ZNF487: variants seen among roughly 807,000 people sequenced by gnomAD.
ZNF487 encodes the protein KRAB domain only 1.
In ZNF487, 4 loss-of-function variants were observed where a neutral mutation model predicts 3.0. That is an observed-to-expected ratio of 1.35 (90% confidence interval 0.66 to 3.08). ZNF487 has a LOEUF of 3.08. Ranked by LOEUF, ZNF487 falls within the 30% of genes most tolerant of loss-of-function variation. The pLI is 0.01. For missense variants in ZNF487, 146 were observed against 98.7 expected (o/e 1.48, Z -2.03); for synonymous variants, 55 against 34.6 (o/e 1.59, Z -2.06).
At chr10:43,495,148 A>C in the ZNF487 span, among the ~76,000 whole-genome samples, 1 of 151,518 alleles carries the variant, frequency 6.6e-6, no homozygotes, top group Non-Finnish European at 1.5e-5. Flanking sequence ...TTTCACCAAC[A>C]AACAGTACTA....
At chr10:43,448,269 G>A (rs560702882) in intron 1 of ZNF487, among the ~76,000 whole-genome samples, 68 of 151,888 alleles carry the variant, frequency 4.5e-4, no homozygotes, top group African/African-American at 1.5e-3. Context: ...GATTACAGGC[G>A]TGAGCCACCA....
chr10:43,459,324 G>T (rs1840335391), intron 1 of ZNF487, among the ~76,000 whole-genome samples: 1 of 152,034 alleles, frequency 6.6e-6, no homozygotes, highest in Non-Finnish European at 1.5e-5. Flanking sequence ...CCGCCTCCCA[G>T]GTTCAAGTGA....
At position 43,456,812 on chromosome 10, in the gene ZNF487, C is replaced by A. The variant is rs966760679; in HGVS notation, c.-93-18909C>A. On this transcript the variant is annotated intron_variant, in intron 1 of 3. Coordinates refer to ENST00000437590, the MANE Select transcript of ZNF487 (RefSeq NM_001355444.3). ...GCCAGGCTGGTCTTGAACTCCTGAC[C>A]TCAGGTGATCCGCGCGCCTCTGCCT... 3.3e-5 allele frequency among the ~76,000 whole-genome samples: 5 copies of A among 152,224 alleles called. No homozygotes were observed. In the South Asian group the frequency reaches 1.0e-3, roughly 32 times the overall value.
At chr10:43,510,371 A>G in the ZNF487 span, among the ~76,000 whole-genome samples, 5 of 152,032 alleles carry the variant, frequency 3.3e-5, no homozygotes, top group Admixed American at 3.3e-4. Flanking sequence ...TCCTGGCTGG[A>G]TTGGGCTGTT....
intron 1 of ZNF487, chr10:43,453,226 A>G (rs967806923): frequency 4.6e-5 from 7 of 152,136 alleles, no homozygotes; most frequent in Admixed American, 1.3e-4. Flanking sequence ...TGAGAAAGCA[A>G]TGTTCCTTGA....
chr10:43,519,758 C>A, the ZNF487 span, among the ~76,000 whole-genome samples: 1 of 152,176 alleles, frequency 6.6e-6, no homozygotes, highest in Admixed American at 6.5e-5. Flanking sequence ...AGCCACTGTG[C>A]CTGGCCTAAA....
chr10:43,475,029 A>T lies in ZNF487; in HGVS notation c.-93-692A>T, dbSNP rs374627228. Among the ~76,000 whole-genome samples, 5 of 152,218 alleles carry T rather than the reference A, an allele frequency of 3.3e-5. No homozygotes were observed. The South Asian group carries it at 1.0e-3, about 32-fold the overall frequency. ...CAAGGCGCAAACTTCCCCTGCCTCCACCTCATTCTCCCAGTGTGCAGGTGG... is the reference window on the plus strand; with the variant it reads ...CAAGGCGCAAACTTCCCCTGCCTCCTCCTCATTCTCCCAGTGTGCAGGTGG... On this transcript the variant is annotated intron_variant, in intron 1 of 3. Transcript: ENST00000437590.
Position 43,480,031 on chromosome 10 carries a change from C to A in ZNF487, c.131-1398C>A, listed in dbSNP as rs540358694. On this transcript the variant is annotated intron_variant, in intron 3 of 3. Coordinates refer to ENST00000437590, the MANE Select transcript of ZNF487 (RefSeq NM_001355444.3). ...TCTTTCTTTCTTTCTTTCTTTCTTT[C>A]TTTCTTTCTTTCTTTTTCTTTCTTT... Among the ~76,000 whole-genome samples the A allele has an allele frequency of 1.2e-3, 100 of 82,420 alleles. 2 individuals carry two copies. Among genetic ancestry groups the A allele is most frequent in the African/African-American group, 3.0e-3 (86 of 29,010 alleles). 54.1% of individuals were successfully genotyped at this position (82,420 alleles called of 152,430 possible). A position where few individuals can be genotyped will look rare whatever the true frequency, so the allele number is the denominator to read the frequency against.
intron 1 of ZNF487, among the ~76,000 whole-genome samples, chr10:43,460,543 T>C (rs907610554): frequency 2.0e-5 from 3 of 150,294 alleles, no homozygotes; most frequent in Non-Finnish European, 4.4e-5. Flanking sequence ...GCCCAGCTAA[T>C]TTTTTGTATT....
the ZNF487 span, among the ~76,000 whole-genome samples, chr10:43,522,532 G>A: frequency 6.6e-6 from 1 of 152,076 alleles, no homozygotes; most frequent in Non-Finnish European, 1.5e-5. Flanking sequence ...TCAGGAGTTC[G>A]AGACCAGCCT....
intron 1 of ZNF487, chr10:43,452,342 C>G (rs2265955): frequency 0.89 from 135,813 of 152,076 alleles, 60,706 homozygotes; most frequent in East Asian, 1. Context: ...CTTCATTTCC[C>G]CCCCACTCCT....
intron 1 of ZNF487, among the ~76,000 whole-genome samples, chr10:43,468,535 C>T (rs532875340): frequency 6.6e-6 from 1 of 151,286 alleles, no homozygotes; most frequent in South Asian, 2.1e-4. Flanking sequence ...CAAAATTAGC[C>T]GGCCATGGTG....
intron 1 of ZNF487, among the ~76,000 whole-genome samples, chr10:43,449,375 C>CA (rs1554795871): frequency 3.9e-5 from 6 of 152,040 alleles, no homozygotes; most frequent in Non-Finnish European, 1.5e-5. Context: ...TATTGACATA[C>CA]ACAAGTCACA....
chr10:43,470,422 T>C (rs961577439), intron 1 of ZNF487, among the ~76,000 whole-genome samples: 1 of 152,176 alleles, frequency 6.6e-6, no homozygotes, highest in African/African-American at 2.4e-5. Flanking sequence ...TCACTTTTGT[T>C]GCCCAGGCTG....
At chr10:43,486,320 A>C (rs899534187), downstream of ZNF487, among the ~76,000 whole-genome samples, 3 of 152,162 alleles carry the variant, frequency 2.0e-5, no homozygotes, top group Admixed American at 1.3e-4. Flanking sequence ...TGAGGTTGGG[A>C]GTTCGAGACC....
chr10:43,458,998 C>T (rs1437044575), intron 1 of ZNF487, among the ~76,000 whole-genome samples: 1 of 152,088 alleles, frequency 6.6e-6, no homozygotes, highest in Admixed American at 6.6e-5. Flanking sequence ...ACATGACTTG[C>T]TGGATCTGCC....
rs1307616280 is a variant in ZNF487 at position 43,481,548 on chromosome 10, A to G, written c.250A>G (p.Lys84Glu). The G allele has an allele frequency of 2.3e-5, 16 of 711,050 alleles. No individual in the cohort carries two copies. The highest frequency in any genetic ancestry group is 1.7e-4 in the South Asian group (11 of 65,246). The allele number at this position is 711,050 out of a possible 1,614,324, so 44.0% of individuals were successfully genotyped here. A position where few individuals can be genotyped will look rare whatever the true frequency, so the allele number is the denominator to read the frequency against. The change falls in exon 4 of 4, where the codon AAA becomes GAA. Residue 84 changes from lysine to glutamate, a missense_variant. Physicochemically the swap from Lys to Glu is moderately conservative, Grantham distance 56 (BLOSUM62 1). Transcript: ENST00000437590. ...TATGGACAGAAATGGTGTATTAGGA[A>G]AAACATTTTCTCTTGACACAAACCC... ...LTMDRNGVLG[K>E]TFSLDTNPIL...
chr10:43,448,226 T>TG (rs1175008033), intron 1 of ZNF487, among the ~76,000 whole-genome samples: 2 of 151,900 alleles, frequency 1.3e-5, no homozygotes, highest in Non-Finnish European at 2.9e-5. Flanking sequence ...CCTGACCTCG[T>TG]GATCCACCTG....
chr10:43,475,420 T>C (rs1034288303), intron 1 of ZNF487, among the ~76,000 whole-genome samples: 15 of 151,560 alleles, frequency 9.9e-5, no homozygotes, highest in African/African-American at 3.6e-4. Flanking sequence ...GAGGCTGAGG[T>C]GGCAGAATCG....
Sources: gnomAD v4.1 joint callset for allele counts (sites outside exome capture counted in the v4.1 genomes callset) on GRCh38, gnomAD v4.1.1 for gene constraint, MANE v1.5 for transcripts, NCBI Gene and HGNC (gene_info 2026-07-23, HGNC 2026-07-21) for gene names.